The following USP34 variants were observed in gnomAD, a reference collection of about 807,000 sequenced individuals.
USP34 encodes ubiquitin specific peptidase 34, also known as ubiquitin carboxyl-terminal hydrolase 34.
A neutral mutation model predicts 460.3 loss-of-function variants in USP34; 70 were observed. The ratio of observed to expected loss-of-function variants is 0.15; its 90% CI spans 0.13 to 0.19. USP34 has a LOEUF of 0.19. USP34 is among the 10% of genes least tolerant of loss of function. The pLI, the probability that USP34 is intolerant of heterozygous loss-of-function variation, is 1.00. For missense variants in USP34, 3,985 were observed against 4,236.2 expected (o/e 0.94, Z 1.65); for synonymous variants, 1,647 against 1,405.3 (o/e 1.17, Z -3.85).
intron 2 of USP34, among the ~76,000 whole-genome samples, chr2:61,406,842 T>A (rs1693888362): frequency 6.6e-6 from 1 of 150,536 alleles, no homozygotes; most frequent in South Asian, 2.1e-4. Context: ...CTGTCTCTAC[T>A]AAAAATGCAA....
chr2:61,239,683 T>C (rs543797637), intron 53 of USP34, among the ~76,000 whole-genome samples: 3 of 152,282 alleles, frequency 2.0e-5, no homozygotes, highest in Admixed American at 2.0e-4. Context: ...AAAGACAACA[T>C]TCCTGGCTTT....
chr2:61,336,306 C>T (rs572306558), intron 18 of USP34, among the ~76,000 whole-genome samples: 6 of 151,990 alleles, frequency 3.9e-5, no homozygotes, highest in African/African-American at 1.4e-4. Flanking sequence ...TAAAGTTTTT[C>T]TGTAGAGATG....
At chr2:61,201,072 T>C (rs1686961785) in intron 75 of USP34, among the ~76,000 whole-genome samples, 1 of 152,182 alleles carries the variant, frequency 6.6e-6, no homozygotes, top group South Asian at 2.1e-4. Flanking sequence ...CATTTGGCTA[T>C]TTAAATTTAT....
At chr2:61,307,015 C>G (rs1261695452) in intron 27 of USP34, among the ~76,000 whole-genome samples, 2 of 152,098 alleles carry the variant, frequency 1.3e-5, no homozygotes, top group African/African-American at 4.8e-5. Flanking sequence ...CACATGCACA[C>G]ATATGTTTAT....
chr2:61,423,948 C>A (rs1031870052), intron 1 of USP34, among the ~76,000 whole-genome samples: 2 of 152,116 alleles, frequency 1.3e-5, no homozygotes, highest in Non-Finnish European at 2.9e-5. Context: ...AGGGCAAGAT[C>A]CTGTCTCTTA....
chr2:61,206,181 T>C, intron 71 of USP34, 57 bp from the exon 72 acceptor site: 1 of 1,391,206 alleles, frequency 7.2e-7, no homozygotes. Flanking sequence ...TCCTCACAAA[T>C]GTTTTCTACT....
At chr2:61,305,776 C>CT (rs202131348) in intron 27 of USP34, among the ~76,000 whole-genome samples, 11 of 149,470 alleles carry the variant, frequency 7.4e-5, no homozygotes, top group African/African-American at 1.2e-4. Context: ...TCTTTATATC[C>CT]TTTTTTTTTT....
chr2:61,309,223 G>A (rs1690510895), intron 27 of USP34, among the ~76,000 whole-genome samples: 1 of 152,102 alleles, frequency 6.6e-6, no homozygotes, highest in African/African-American at 2.4e-5. Context: ...GAAAACATGA[G>A]ATACATGTTT....
At chr2:61,237,958 G>A (rs189587245) in intron 53 of USP34, among the ~76,000 whole-genome samples, 6 of 151,620 alleles carry the variant, frequency 4.0e-5, no homozygotes, top group South Asian at 2.1e-4. Flanking sequence ...GTGCAATGGC[G>A]CGATCTCGGC....
At chr2:61,376,481 T>C (rs763212764) in intron 8 of USP34, among the ~76,000 whole-genome samples, 10 of 152,244 alleles carry the variant, frequency 6.6e-5, no homozygotes, top group Non-Finnish European at 1.3e-4. Context: ...GAATGTGTTA[T>C]TACTGCAGTG....
intron 16 of USP34, among the ~76,000 whole-genome samples, chr2:61,341,278 C>G (rs918472795): frequency 7.9e-5 from 12 of 152,170 alleles, no homozygotes; most frequent in African/African-American, 2.7e-4. Context: ...AATCTTTTCA[C>G]AGACATGTTT....
At chr2:61,300,833 AAAG>A in intron 29 of USP34, 115 bp downstream of exon 29, 3 of 692,602 alleles carry the variant, frequency 4.3e-6, no homozygotes, top group East Asian at 3.2e-5. Flanking sequence ...CAAAAAAAAA[AAAG>A]GAGAGAAAAT....
rs568187634 is a variant in USP34 at position 61,373,399 on chromosome 2, C to A, written c.1077-2820G>T. Among the ~76,000 whole-genome samples the A allele has an allele frequency of 9.4e-4, 141 of 149,252 alleles. 1 individual carries two copies. In the South Asian group the frequency reaches 0.029, roughly 31 times the overall value. On this transcript the variant is annotated intron_variant, in intron 8 of 79. Coordinates refer to ENST00000398571, the MANE Select transcript of USP34 (RefSeq NM_014709.4). ...TTTTTAAAGATCCAACTATATGCTACCCCCAAGACATACTTTAGCTTCAAA... is the reference window on the plus strand; with the variant it reads ...TTTTTAAAGATCCAACTATATGCTAACCCCAAGACATACTTTAGCTTCAAA...
At chr2:61,383,637 G>GC (rs1038230567) in intron 5 of USP34, among the ~76,000 whole-genome samples, 8 of 151,946 alleles carry the variant, frequency 5.3e-5, no homozygotes, top group Admixed American at 1.3e-4. Context: ...CCCACCCCCG[G>GC]GGGGGGCGGG....
intron 1 of USP34, among the ~76,000 whole-genome samples, chr2:61,458,973 G>A (rs896604406): frequency 6.6e-6 from 1 of 152,300 alleles, no homozygotes; most frequent in East Asian, 1.9e-4. Context: ...GGCTGAGGCA[G>A]GAGAATTGCT....
At chr2:61,463,415 C>T (rs778928020) in intron 1 of USP34, among the ~76,000 whole-genome samples, 1 of 152,166 alleles carries the variant, frequency 6.6e-6, no homozygotes, top group South Asian at 2.1e-4. Flanking sequence ...ATTCCTACTA[C>T]AATTATCACA....
At chr2:61,204,793 G>C (rs959877271) in intron 72 of USP34, among the ~76,000 whole-genome samples, 192 bp from the exon 73 acceptor site, 2 of 152,074 alleles carry the variant, frequency 1.3e-5, no homozygotes, top group Non-Finnish European at 2.9e-5. Context: ...AACGACAATA[G>C]GGCATCATTT....
At chr2:61,349,116 G>A (rs923676159) in intron 13 of USP34, 134 bp downstream of exon 13, 5 of 1,150,942 alleles carry the variant, frequency 4.3e-6, no homozygotes, top group East Asian at 2.5e-5. Context: ...ACACGAATAT[G>A]TTAAAGGTTT....
At chr2:61,401,811 G>C (rs549627463) in intron 3 of USP34, among the ~76,000 whole-genome samples, 1 of 150,106 alleles carries the variant, frequency 6.7e-6, no homozygotes, top group Non-Finnish European at 1.5e-5. Context: ...ACCTGCCTCA[G>C]CCTCCAAAAG....
Sources: gnomAD v4.1 joint callset for allele counts (sites outside exome capture counted in the v4.1 genomes callset) on GRCh38, gnomAD v4.1.1 for gene constraint, MANE v1.5 for transcripts, NCBI Gene and HGNC (gene_info 2026-07-23, HGNC 2026-07-21) for gene names.